TSPAN9: variants seen among roughly 807,000 people sequenced by gnomAD.
TSPAN9 encodes the protein tetraspanin 9, also known as tetraspanin-9.
In TSPAN9, 16 loss-of-function variants were observed where a neutral mutation model predicts 31.0. The ratio of observed to expected loss-of-function variants is 0.52; its 90% CI spans 0.35 to 0.78. The LOEUF is 0.78. Among genes scored for constraint, TSPAN9 ranks in the 30% least tolerant of loss-of-function variants. The pLI is 0.01. For missense variants in TSPAN9, 272 were observed against 312.5 expected (o/e 0.87, Z 0.98); for synonymous variants, 145 against 121.6 (o/e 1.19, Z -1.27).
At chr12:3,086,660 G>T (rs1044736369) in intron 2 of TSPAN9, among the ~76,000 whole-genome samples, 7 of 152,230 alleles carry the variant, frequency 4.6e-5, no homozygotes, top group Non-Finnish European at 8.8e-5. Flanking sequence ...AGGCTGGAGG[G>T]TCTTGTGGCC....
chr12:3,216,008 A>G (rs946263107), intron 3 of TSPAN9, among the ~76,000 whole-genome samples: 2 of 152,170 alleles, frequency 1.3e-5, no homozygotes, highest in African/African-American at 2.4e-5. Flanking sequence ...ACACGGCTCC[A>G]TGTTCCCAGC....
chr12:3,115,842 T>A (rs1470765211), intron 2 of TSPAN9, among the ~76,000 whole-genome samples: 1 of 152,228 alleles, frequency 6.6e-6, no homozygotes, highest in Admixed American at 6.5e-5. Context: ...TAACTGTGTG[T>A]TGAACTGTTT....
At chr12:3,127,862 G>A (rs2098328064) in intron 2 of TSPAN9, among the ~76,000 whole-genome samples, 1 of 152,188 alleles carries the variant, frequency 6.6e-6, no homozygotes, top group Non-Finnish European at 1.5e-5. Context: ...CTGGGCTCAA[G>A]TGATCCTTCC....
intron 3 of TSPAN9, among the ~76,000 whole-genome samples, chr12:3,242,542 GTTTC>G (rs2098397114): frequency 6.6e-6 from 1 of 152,258 alleles, no homozygotes; most frequent in Non-Finnish European, 1.5e-5. Flanking sequence ...GTGGCCAGGT[GTTTC>G]TTTCCCCTTT....
At chr12:3,123,856 A>T (rs1405031538) in intron 2 of TSPAN9, among the ~76,000 whole-genome samples, 1 of 152,078 alleles carries the variant, frequency 6.6e-6, no homozygotes, top group African/African-American at 2.4e-5. Flanking sequence ...TTAGGGAGGG[A>T]TGAGGATGTG....
chr12:3,246,757 C>T (rs1862138482), intron 3 of TSPAN9, among the ~76,000 whole-genome samples: 1 of 152,200 alleles, frequency 6.6e-6, no homozygotes, highest in Non-Finnish European at 1.5e-5. Context: ...GTATCTTCCC[C>T]AGCTCCGCTC....
intron 4 of TSPAN9, among the ~76,000 whole-genome samples, 176 bp from the exon 5 acceptor site, chr12:3,278,816 G>C (rs1332589113): frequency 6.6e-6 from 1 of 152,190 alleles, no homozygotes; most frequent in Non-Finnish European, 1.5e-5. Context: ...CCCACTCCCT[G>C]ATTAGTCAGC....
intron 2 of TSPAN9, among the ~76,000 whole-genome samples, chr12:3,194,274 C>T (rs1241477425): frequency 6.6e-6 from 1 of 152,190 alleles, no homozygotes; most frequent in Non-Finnish European, 1.5e-5. Context: ...GGAGTCTGAA[C>T]AAAGGGCCAA....
intron 2 of TSPAN9, among the ~76,000 whole-genome samples, chr12:3,150,223 C>G (rs1410177259): frequency 6.6e-6 from 1 of 152,158 alleles, no homozygotes; most frequent in Non-Finnish European, 1.5e-5. Flanking sequence ...CGCCCCTCTG[C>G]CAGTTATAGG....
At chr12:3,268,723 GCCCT>G (rs1862597253) in intron 3 of TSPAN9, among the ~76,000 whole-genome samples, 1 of 103,466 alleles carries the variant, frequency 9.7e-6, no homozygotes, top group African/African-American at 3.7e-5. Flanking sequence ...CCTGCAGCCT[GCCCT>G]CCCTGTGTTC....
chr12:3,255,880 C>G (rs1339279887), intron 3 of TSPAN9, among the ~76,000 whole-genome samples: 3 of 152,204 alleles, frequency 2.0e-5, no homozygotes, highest in East Asian at 1.9e-4. Flanking sequence ...CGTGTGGCAA[C>G]AAGCTGGACA....
In TSPAN9 at chr12:3,243,305, C is replaced by T. The variant is rs373281333; in HGVS notation, c.64-35116C>T. ...TGTATGTGGAGTGTTTCTCATGGGC[C>T]GGGCACGGAGCTGGGTGCTTTACCA... On this transcript the variant is annotated intron_variant, in intron 3 of 8. Transcript: ENST00000011898. Among the ~76,000 whole-genome samples, 106 of 152,240 alleles carry T rather than the reference C, an allele frequency of 7.0e-4. 2 individuals carry two copies. In the South Asian group the frequency reaches 0.018, roughly 26 times the overall value.
At chr12:3,218,513 A>G (rs1375357880) in intron 3 of TSPAN9, among the ~76,000 whole-genome samples, 1 of 152,246 alleles carries the variant, frequency 6.6e-6, no homozygotes, top group Non-Finnish European at 1.5e-5. Flanking sequence ...TGGCCTTCTC[A>G]GGCAAGCCTG....
intron 3 of TSPAN9, among the ~76,000 whole-genome samples, chr12:3,234,519 C>G (rs748310846): frequency 9.2e-5 from 14 of 152,212 alleles, no homozygotes; most frequent in Non-Finnish European, 2.1e-4. Flanking sequence ...TGACAGGCTA[C>G]TTTATCATCT....
chr12:3,165,424 T>C (rs540012034), intron 2 of TSPAN9, among the ~76,000 whole-genome samples: 4 of 152,354 alleles, frequency 2.6e-5, no homozygotes, highest in African/African-American at 9.6e-5. Flanking sequence ...TTGGGCAGAA[T>C]CTGCTCTTTG....
rs187967971 is a variant in TSPAN9 at position 3,262,483 on chromosome 12, T to G, written c.64-15938T>G. ...TTTTGCTATTTTCAATATATTTCTG[T>G]TCTGTTCATTGAACTTTGTTCTCGG... On this transcript the variant is annotated intron_variant, in intron 3 of 8. Transcript: ENST00000011898. 9.2e-5 allele frequency among the ~76,000 whole-genome samples: 14 copies of G among 152,290 alleles called. No homozygotes were observed. The East Asian group carries it at 2.7e-3, about 29-fold the overall frequency.
At chr12:3,087,995 G>A (rs1224351569) in intron 2 of TSPAN9, among the ~76,000 whole-genome samples, 2 of 152,208 alleles carry the variant, frequency 1.3e-5, no homozygotes, top group African/African-American at 4.8e-5. Flanking sequence ...GCCAGGGACA[G>A]TAGGAGAAGA....
intron 1 of TSPAN9, among the ~76,000 whole-genome samples, chr12:3,083,452 A>T (rs1445499274): frequency 1.3e-5 from 2 of 152,188 alleles, no homozygotes; most frequent in Non-Finnish European, 2.9e-5. Context: ...GGTTCTGCTC[A>T]TAATGCCTTG....
At chr12:3,103,234 A>C (rs2098312663) in intron 2 of TSPAN9, among the ~76,000 whole-genome samples, 1 of 152,178 alleles carries the variant, frequency 6.6e-6, no homozygotes, top group Non-Finnish European at 1.5e-5. Flanking sequence ...CTCAGAACAC[A>C]CTTGCCCTCA....
Sources: gnomAD v4.1 joint callset for allele counts (sites outside exome capture counted in the v4.1 genomes callset) on GRCh38, gnomAD v4.1.1 for gene constraint, MANE v1.5 for transcripts, NCBI Gene and HGNC (gene_info 2026-07-23, HGNC 2026-07-21) for gene names.